Variants in CAMK1D observed in about 807,000 individuals in gnomAD.
The protein encoded by CAMK1D is calcium/calmodulin dependent protein kinase ID.
Under a neutral mutation model 47.7 loss-of-function variants are expected in CAMK1D, and 9 were observed. The ratio of observed to expected loss-of-function variants is 0.19; its 90% CI spans 0.11 to 0.33. CAMK1D has a LOEUF of 0.33. CAMK1D is among the 10% of genes least tolerant of loss of function. The probability of loss-of-function intolerance (pLI) is 1.00; values close to 1 mark genes in which losing one functional copy is unlikely to be tolerated. For synonymous variants in CAMK1D, 184 were observed against 184.9 expected, an observed-to-expected ratio of 0.99 and a Z score of 0.04; for missense variants, 291 against 488.7, an observed-to-expected ratio of 0.60 and a Z score of 3.81.
intron 1 of CAMK1D, among the ~76,000 whole-genome samples, chr10:12,362,646 C>T (rs1450539025): frequency 6.6e-6 from 1 of 152,048 alleles, no homozygotes; most frequent in Non-Finnish European, 1.5e-5. Flanking sequence ...TACAGGCGCC[C>T]GCCATGATGC....
At chr10:12,530,256 AGGCTGCGAGT>A (rs1307217293) in intron 1 of CAMK1D, among the ~76,000 whole-genome samples, 4 of 152,160 alleles carry the variant, frequency 2.6e-5, no homozygotes, top group African/African-American at 4.8e-5. Flanking sequence ...TGCTTCCTTT[AGGCTGCGAGT>A]GGGGGGCCCT....
intron 2 of CAMK1D, among the ~76,000 whole-genome samples, chr10:12,663,516 A>G (rs1257810229): frequency 1.3e-5 from 2 of 152,150 alleles, no homozygotes; most frequent in Non-Finnish European, 2.9e-5. Context: ...ACTAATGACC[A>G]GGAGGCTGAT....
intron 1 of CAMK1D, among the ~76,000 whole-genome samples, chr10:12,372,048 G>A (rs1204369288): frequency 1.3e-5 from 2 of 152,122 alleles, no homozygotes; most frequent in African/African-American, 2.4e-5. Context: ...TTACTGTTGT[G>A]TTACAGTTGC....
At chr10:12,397,284 A>G (rs1838997525) in intron 1 of CAMK1D, among the ~76,000 whole-genome samples, 1 of 152,016 alleles carries the variant, frequency 6.6e-6, no homozygotes. Context: ...CTGTTCTTTC[A>G]AGCGCCCTAG....
At chr10:12,570,173 C>G (rs183963857) in intron 2 of CAMK1D, among the ~76,000 whole-genome samples, 23 of 151,916 alleles carry the variant, frequency 1.5e-4, no homozygotes, top group Admixed American at 1.5e-3. Flanking sequence ...GCACTCCAGC[C>G]TGGGCGACAG....
intron 3 of CAMK1D, among the ~76,000 whole-genome samples, chr10:12,754,092 T>C (rs1414927947): frequency 6.6e-6 from 1 of 152,132 alleles, no homozygotes; most frequent in Non-Finnish European, 1.5e-5. Context: ...GATTTCACCA[T>C]GTTGTCCAGG....
At chr10:12,689,109 T>G (rs1832773374) in intron 3 of CAMK1D, among the ~76,000 whole-genome samples, 1 of 152,204 alleles carries the variant, frequency 6.6e-6, no homozygotes, top group African/African-American at 2.4e-5. Flanking sequence ...CCTTCCTGCT[T>G]CATACAACTT....
rs1354759079 is a variant in CAMK1D at position 12,621,773 on chromosome 10, C to T, written c.225-44963C>T. Among the ~76,000 whole-genome samples the T allele has an allele frequency of 2.1e-5, 3 of 143,012 alleles. No individual in the cohort carries two copies. The Admixed American group carries it at 2.2e-4, about 10-fold the overall frequency. 93.8% of individuals were successfully genotyped at this position (143,012 alleles called of 152,430 possible). A position where few individuals can be genotyped will look rare whatever the true frequency, so the allele number is the denominator to read the frequency against. The stretch of plus-strand genomic sequence containing the variant: ...TGCAAATTGTTCTTGTATCCTGCAA[C>T]CTTGCTGAACTTACTTTTTAGTTCT... On this transcript the variant is annotated intron_variant, in intron 2 of 10. Coordinates refer to ENST00000619168, the MANE Select transcript of CAMK1D (RefSeq NM_153498.4).
intron 1 of CAMK1D, among the ~76,000 whole-genome samples, chr10:12,420,117 G>A (rs1300617250): frequency 6.6e-6 from 1 of 151,976 alleles, no homozygotes; most frequent in Non-Finnish European, 1.5e-5. Flanking sequence ...CTGTCACCAC[G>A]CCCAGCTAAT....
chr10:12,572,622 C>CT (rs1468659439), intron 2 of CAMK1D, among the ~76,000 whole-genome samples: 15 of 151,440 alleles, frequency 9.9e-5, no homozygotes, highest in South Asian at 8.4e-4. Flanking sequence ...AGGCAATTTA[C>CT]TTTTTTTTTC....
At chr10:12,557,378 T>A (rs1836794830) in intron 2 of CAMK1D, among the ~76,000 whole-genome samples, 1 of 151,540 alleles carries the variant, frequency 6.6e-6, no homozygotes, top group South Asian at 2.1e-4. Context: ...TGAAACCCCG[T>A]CTCTACTAAA....
intron 3 of CAMK1D, among the ~76,000 whole-genome samples, chr10:12,734,063 C>T (rs1462425342): frequency 6.6e-6 from 1 of 151,724 alleles, no homozygotes; most frequent in Non-Finnish European, 1.5e-5. Flanking sequence ...TGCCGTGGCT[C>T]CTGCCTGTAA....
chr10:12,633,428 C>G (rs191773287), intron 2 of CAMK1D, among the ~76,000 whole-genome samples: 2 of 152,308 alleles, frequency 1.3e-5, no homozygotes, highest in Non-Finnish European at 2.9e-5. Flanking sequence ...AGAAGGTCAA[C>G]TTCAAGTGCA....
intron 1 of CAMK1D, among the ~76,000 whole-genome samples, chr10:12,422,613 G>A (rs1468954012): frequency 6.6e-6 from 1 of 152,168 alleles, no homozygotes; most frequent in East Asian, 1.9e-4. Context: ...CAGGATTTGG[G>A]CTTATGGAAG....
intron 1 of CAMK1D, among the ~76,000 whole-genome samples, chr10:12,444,879 G>T (rs555816703): frequency 4.0e-4 from 61 of 152,318 alleles, no homozygotes; most frequent in African/African-American, 1.4e-3. Flanking sequence ...GACAGTAAAG[G>T]TGCCAGACTC....
intron 3 of CAMK1D, among the ~76,000 whole-genome samples, chr10:12,749,383 G>A (rs942490941): frequency 2.0e-5 from 3 of 147,648 alleles, no homozygotes; most frequent in Admixed American, 6.9e-5. Context: ...TCGGTGTCAC[G>A]TCGTGTGTTA....
At chr10:12,502,254 C>T (rs1284316517) in intron 1 of CAMK1D, among the ~76,000 whole-genome samples, 1 of 152,150 alleles carries the variant, frequency 6.6e-6, no homozygotes, top group Non-Finnish European at 1.5e-5. Flanking sequence ...TTCAATGGTG[C>T]TGGGCAAGAT....
intron 1 of CAMK1D, among the ~76,000 whole-genome samples, chr10:12,390,561 C>T (rs765000865): frequency 2.6e-5 from 4 of 152,196 alleles, no homozygotes; most frequent in Non-Finnish European, 5.9e-5. Flanking sequence ...GATCCTACAA[C>T]TAGTTGAGGG....
chr10:12,605,337 A>AGTGTGTGTGTGT (rs112178502), intron 2 of CAMK1D, among the ~76,000 whole-genome samples: 25,271 of 144,996 alleles, frequency 0.17, 2,865 homozygotes, highest in East Asian at 0.41. Context: ...AAACCATTCA[A>AGTGTGTGTGTGT]GTGTGTGTGT....
Sources: allele counts gnomAD v4.1 joint callset (sites outside exome capture counted in the v4.1 genomes callset), GRCh38; gene constraint gnomAD v4.1.1; transcripts MANE v1.5; gene names NCBI Gene and HGNC (gene_info 2026-07-23, HGNC 2026-07-21).